HDAC9: variants seen among roughly 807,000 people sequenced by gnomAD.
HDAC9 encodes the protein histone deacetylase 9, also known as MEF-2 interacting transcription repressor (MITR) protein.
In HDAC9, 41 loss-of-function variants were observed where a neutral mutation model predicts 139.4. That is an observed-to-expected ratio of 0.29 (90% CI 0.23 to 0.38). The LOEUF (loss-of-function observed/expected upper bound fraction) is 0.38. Ranked by LOEUF, HDAC9 falls within the 10% of genes least tolerant of loss-of-function variation. The pLI is 1.00. For missense variants in HDAC9, 1,147 were observed against 1,297.0 expected (o/e 0.88, Z 1.78); for synonymous variants, 517 against 476.2 (o/e 1.09, Z -1.12).
intron 1 of HDAC9, among the ~76,000 whole-genome samples, chr7:18,476,320 C>T (rs970283957): frequency 9.2e-5 from 14 of 152,080 alleles, no homozygotes; most frequent in Non-Finnish European, 1.3e-4. Flanking sequence ...TGAATACTCA[C>T]AATAAAAAGT....
At chr7:18,376,054 A>T (rs558620544) in intron 1 of HDAC9, among the ~76,000 whole-genome samples, 1 of 152,252 alleles carries the variant, frequency 6.6e-6, no homozygotes, top group African/African-American at 2.4e-5. Context: ...GGTGGTTTTA[A>T]AGAAGGAGCC....
intron 1 of HDAC9, among the ~76,000 whole-genome samples, chr7:18,389,957 A>G (rs1189994519): frequency 6.6e-6 from 1 of 151,948 alleles, no homozygotes; most frequent in Non-Finnish European, 1.5e-5. Flanking sequence ...AACATGACTA[A>G]CATGTTCTCC....
intron 1 of HDAC9, among the ~76,000 whole-genome samples, chr7:18,413,913 G>A (rs1476640273): frequency 2.0e-5 from 3 of 152,002 alleles, no homozygotes; most frequent in Non-Finnish European, 2.9e-5. Context: ...TAATATTTGG[G>A]ACTTTTCCTT....
intron 21 of HDAC9, among the ~76,000 whole-genome samples, chr7:18,855,464 A>G (rs1453165756): frequency 1.3e-5 from 2 of 151,816 alleles, no homozygotes; most frequent in Non-Finnish European, 2.9e-5. Flanking sequence ...TATCATTGCT[A>G]GAGTCTTTTG....
chr7:18,668,910 A>G (rs1362295713), intron 12 of HDAC9: 7 of 981,580 alleles, frequency 7.1e-6, no homozygotes, highest in African/African-American at 1.8e-5. Context: ...CTTGCACACT[A>G]GATCTCATAT....
intron 22 of HDAC9, among the ~76,000 whole-genome samples, chr7:18,907,436 A>G (rs947364354): frequency 8.5e-5 from 13 of 152,240 alleles, no homozygotes; most frequent in African/African-American, 1.2e-4. Flanking sequence ...GGGGCACATT[A>G]TAAGATGCTA....
intron 1 of HDAC9, among the ~76,000 whole-genome samples, chr7:18,096,435 T>G (rs914322738): frequency 1.3e-5 from 2 of 152,200 alleles, no homozygotes; most frequent in Non-Finnish European, 2.9e-5. Flanking sequence ...TTTTTAAACG[T>G]TTATTCAGAA....
At chr7:18,485,526 T>G (rs1434713235) in intron 1 of HDAC9, among the ~76,000 whole-genome samples, 1 of 151,284 alleles carries the variant, frequency 6.6e-6, no homozygotes, top group East Asian at 1.9e-4. Flanking sequence ...TTATGATGTT[T>G]ATAGCTGATG....
intron 12 of HDAC9, among the ~76,000 whole-genome samples, chr7:18,711,125 G>A (rs1384769164): frequency 2.0e-5 from 3 of 152,186 alleles, no homozygotes; most frequent in Non-Finnish European, 2.9e-5. Context: ...CAATCTCTAT[G>A]CAGTAGATAC....
chr7:18,991,345 TAAAG>T (rs1457265667), intron 25 of HDAC9, among the ~76,000 whole-genome samples: 1 of 152,182 alleles, frequency 6.6e-6, no homozygotes, highest in Non-Finnish European at 1.5e-5. Flanking sequence ...ACTGGAAAGA[TAAAG>T]AAGTCATCAG....
At chr7:18,883,652 A>C (rs1359045879) in intron 22 of HDAC9, among the ~76,000 whole-genome samples, 1 of 152,128 alleles carries the variant, frequency 6.6e-6, no homozygotes, top group South Asian at 2.1e-4. Context: ...CACTCTCGCC[A>C]CTTCTATTCA....
chr7:18,859,546 A>G (rs1797932435), intron 21 of HDAC9, among the ~76,000 whole-genome samples: 1 of 148,886 alleles, frequency 6.7e-6, no homozygotes, highest in Non-Finnish European at 1.5e-5. Context: ...ATTGCTACGC[A>G]ATTAAAAAAA....
At chr7:18,118,269 G>A (rs2128090298) in intron 1 of HDAC9, among the ~76,000 whole-genome samples, 1 of 152,294 alleles carries the variant, frequency 6.6e-6, no homozygotes. Flanking sequence ...GAACATGAGA[G>A]TCAGAACTGG....
At chr7:18,917,968 T>C (rs1471387351) in intron 22 of HDAC9, among the ~76,000 whole-genome samples, 1 of 152,038 alleles carries the variant, frequency 6.6e-6, no homozygotes, top group Non-Finnish European at 1.5e-5. Context: ...TAGTGTGTCA[T>C]TAGCGTTGAC....
In HDAC9 at chr7:18,936,028, T is replaced by C. The variant is rs539799266; in HGVS notation, c.2937+86T>C. 621 of 1,323,718 alleles carry C rather than the reference T, an allele frequency of 4.7e-4. 4 individuals are homozygous for C. The South Asian group carries it at 6.5e-3, about 14-fold the overall frequency. 82.0% of individuals were successfully genotyped at this position (1,323,718 alleles called of 1,614,324 possible). A position where few individuals can be genotyped will look rare whatever the true frequency, so the allele number is the denominator to read the frequency against. ...TTTTAAACTAAAAAAAAATTCTGCATACTCAGAAAGCTTAACATTGCTCTT... is the reference window on the plus strand; with the variant it reads ...TTTTAAACTAAAAAAAAATTCTGCACACTCAGAAAGCTTAACATTGCTCTT... On this transcript the variant is annotated intron_variant, in intron 23 of 25. Transcript: ENST00000686413.
intron 6 of HDAC9, among the ~76,000 whole-genome samples, chr7:18,603,556 A>C (rs78556304): frequency 6.6e-6 from 1 of 152,116 alleles, no homozygotes; most frequent in African/African-American, 2.4e-5. Flanking sequence ...TTTACAGGTC[A>C]TACAGGTACC....
At chr7:18,753,076 G>A (rs955966217) in intron 14 of HDAC9, among the ~76,000 whole-genome samples, 6 of 152,004 alleles carry the variant, frequency 3.9e-5, no homozygotes, top group African/African-American at 1.4e-4. Context: ...AGTTTTCCAG[G>A]CATCTTTGTT....
chr7:18,286,174 A>G (rs1443390544), upstream of HDAC9, among the ~76,000 whole-genome samples: 1 of 152,078 alleles, frequency 6.6e-6, no homozygotes, highest in Non-Finnish European at 1.5e-5. Flanking sequence ...TCTAGTCAGC[A>G]TATAACTTAA....
intron 1 of HDAC9, among the ~76,000 whole-genome samples, chr7:18,341,316 ATT>A (rs1009956926): frequency 6.6e-6 from 1 of 151,444 alleles, no homozygotes; most frequent in African/African-American, 2.4e-5. Flanking sequence ...AAATTTGAAA[ATT>A]TTTTTGCCAG....
Sources: gnomAD v4.1 joint callset for allele counts (sites outside exome capture counted in the v4.1 genomes callset) on GRCh38, gnomAD v4.1.1 for gene constraint, MANE v1.5 for transcripts, NCBI Gene and HGNC (gene_info 2026-07-23, HGNC 2026-07-21) for gene names.